Variants in PBRM1 observed in about 807,000 individuals in gnomAD.
PBRM1 encodes polybromo 1.
Under a neutral mutation model 194.5 loss-of-function variants are expected in PBRM1, and 27 were observed. The ratio of observed to expected loss-of-function variants is 0.14; its 90% CI spans 0.10 to 0.19. The LOEUF (loss-of-function observed/expected upper bound fraction) is 0.19. PBRM1 is among the 10% of genes least tolerant of loss of function. The pLI is 1.00. For missense variants in PBRM1, 1,466 were observed against 2,077.2 expected (o/e 0.71, Z 5.72); for synonymous variants, 655 against 693.2 (o/e 0.94, Z 0.87).
In PBRM1 at chr3:52,630,081, C is replaced by T. The variant is rs371307544; in HGVS notation, c.1302-1046G>A. ...ACAGCCTCAGACTTGTTCCCGTCAA[C>T]TCAAAGGGTAGAGGGCTAGATGTTC... On this transcript the variant is annotated intron_variant, in intron 11 of 29. Coordinates refer to ENST00000296302, the Ensembl canonical transcript of PBRM1. Among the ~76,000 whole-genome samples the T allele has an allele frequency of 4.6e-5, 7 of 152,274 alleles. No homozygotes were observed. The East Asian group carries it at 7.7e-4, about 17-fold the overall frequency.
intron 2 of PBRM1, among the ~76,000 whole-genome samples, chr3:52,669,004 A>G (rs1053620465): frequency 1.3e-5 from 2 of 152,194 alleles, no homozygotes; most frequent in Non-Finnish European, 2.9e-5. Flanking sequence ...ATAGTGCTCA[A>G]AAGTGTGAAA....
chr3:52,562,004 A>G (rs1248004475), intron 24 of PBRM1, 36 bp from the exon 27 acceptor site: 1 of 1,545,460 alleles, frequency 6.5e-7, no homozygotes, highest in Non-Finnish European at 8.9e-7. Flanking sequence ...GCATCAAAAC[A>G]TTACATTTGG....
At chr3:52,652,133 C>T (rs2096512383) in intron 5 of PBRM1, among the ~76,000 whole-genome samples, 1 of 152,202 alleles carries the variant, frequency 6.6e-6, no homozygotes, top group Non-Finnish European at 1.5e-5. Context: ...CCTGCAATCC[C>T]AGCACTTTGG....
At chr3:52,641,831 T>C (rs2153705027) in intron 10 of PBRM1, 123 bp downstream of exon 11, 8 of 753,666 alleles carry the variant, frequency 1.1e-5, no homozygotes, top group South Asian at 9.8e-5. Flanking sequence ...TACAATCAAA[T>C]GCAATAAAAT....
At chr3:52,601,950 T>C (rs563746332) in intron 17 of PBRM1, among the ~76,000 whole-genome samples, 2 of 152,164 alleles carry the variant, frequency 1.3e-5, no homozygotes, top group South Asian at 2.1e-4. Context: ...TGGGTGCCAG[T>C]TGTCGTGGTA....
intron 2 of PBRM1, among the ~76,000 whole-genome samples, chr3:52,676,982 A>C (rs2097120423): frequency 1.3e-5 from 2 of 152,250 alleles, no homozygotes; most frequent in Admixed American, 1.3e-4. Context: ...GAAACTTCTA[A>C]GCAGCAAAGC....
At chr3:52,680,076 C>A (rs2097176877), upstream of PBRM1, among the ~76,000 whole-genome samples, 1 of 152,138 alleles carries the variant, frequency 6.6e-6, no homozygotes, top group Non-Finnish European at 1.5e-5. Context: ...AAGCCTTCAG[C>A]CCATGAGGCA....
At chr3:52,624,637 A>G (rs2577829) in intron 13 of PBRM1, among the ~76,000 whole-genome samples, 1,865 of 152,314 alleles carry the variant, frequency 0.012, 45 homozygotes, top group African/African-American at 0.043. Flanking sequence ...CACAGCCACA[A>G]TGATTGGTGA....
chr3:52,665,370 C>T (rs1009950506), intron 3 of PBRM1, among the ~76,000 whole-genome samples: 1 of 151,780 alleles, frequency 6.6e-6, no homozygotes. Context: ...TAGTACACTG[C>T]CTAGGCTGGT....
chr3:52,616,405 A>G (rs1008949477), intron 14 of PBRM1, among the ~76,000 whole-genome samples: 1 of 152,184 alleles, frequency 6.6e-6, no homozygotes, highest in Non-Finnish European at 1.5e-5. Context: ...AAAAATCAAG[A>G]AGCTTTGGCC....
At chr3:52,589,108 T>C (rs1475165913) in exon 18 of PBRM1, 10 of 1,613,784 alleles carry the variant, frequency 6.2e-6, no homozygotes, top group Non-Finnish European at 8.5e-6. Context: ...ACAGACGATA[T>C]GTGGTTGTAG....
chr3:52,589,633 C>A (rs1201556052), intron 17 of PBRM1, among the ~76,000 whole-genome samples: 2 of 152,118 alleles, frequency 1.3e-5, no homozygotes, highest in Non-Finnish European at 1.5e-5. Flanking sequence ...TTCATCCCCA[C>A]CTTAATGCTT....
intron 2 of PBRM1, among the ~76,000 whole-genome samples, chr3:52,670,448 T>C (rs75276173): frequency 7.9e-5 from 12 of 152,348 alleles, no homozygotes; most frequent in African/African-American, 2.2e-4. Flanking sequence ...GACTTCTCTA[T>C]AGGCACATGT....
upstream of PBRM1, chr3:52,679,758 T>C (rs2097171607): frequency 6.4e-7 from 1 of 1,571,300 alleles, no homozygotes; most frequent in Non-Finnish European, 8.7e-7. Context: ...GTTCTTACAT[T>C]TAAATAGACT....
At chr3:52,588,971 G>C in intron 18 of PBRM1, 99 bp downstream of exon 20, 2 of 788,364 alleles carry the variant, frequency 2.5e-6, no homozygotes, top group Admixed American at 4.2e-5. Context: ...TTATGGAAAG[G>C]CTTAAGATGT....
At position 52,611,861 on chromosome 3, in the gene PBRM1, C is replaced by T. The variant is rs2094630324; in HGVS notation, c.1925-1906G>A. On this transcript the variant is annotated intron_variant, in intron 15 of 29. Coordinates refer to ENST00000296302, the Ensembl canonical transcript of PBRM1. ...AAACCCCACAACATATGGATGCAAT[C>T]AGCAAAACCCAGACTATGGGAAACT... Among the ~76,000 whole-genome samples the T allele has an allele frequency of 2.0e-5, 3 of 151,946 alleles. No individual in the cohort carries two copies. In the South Asian group the frequency reaches 6.2e-4, roughly 32 times the overall value.
At chr3:52,590,242 A>T (rs58667938) in intron 17 of PBRM1, among the ~76,000 whole-genome samples, 2 of 151,904 alleles carry the variant, frequency 1.3e-5, no homozygotes, top group Non-Finnish European at 2.9e-5. Flanking sequence ...ACTTGAGGTC[A>T]AGAAGAGTTC....
chr3:52,576,113 C>T (rs886956556), intron 22 of PBRM1, among the ~76,000 whole-genome samples: 3 of 151,720 alleles, frequency 2.0e-5, no homozygotes, highest in East Asian at 1.9e-4. Context: ...AATGTACCAA[C>T]GTTAAGTATA....
At chr3:52,669,285 T>C (rs577304301) in intron 2 of PBRM1, among the ~76,000 whole-genome samples, 1 of 152,164 alleles carries the variant, frequency 6.6e-6, no homozygotes, top group Admixed American at 6.5e-5. Context: ...GGCTTAGTGG[T>C]TATACCTTGC....
Sources: gnomAD v4.1 joint callset for allele counts (sites outside exome capture counted in the v4.1 genomes callset) on GRCh38, gnomAD v4.1.1 for gene constraint, MANE v1.5 for transcripts, NCBI Gene and HGNC (gene_info 2026-07-23, HGNC 2026-07-21) for gene names.